The following FNBP4 variants were observed in gnomAD, a reference collection of about 807,000 sequenced individuals.
The protein encoded by FNBP4 is formin-binding protein 4.
A neutral mutation model predicts 119.3 loss-of-function variants in FNBP4; 34 were observed. That is an observed-to-expected ratio of 0.28 (90% CI 0.22 to 0.38). The LOEUF is 0.38. FNBP4 is among the 10% of genes least tolerant of loss of function. The pLI is 1.00. For synonymous variants in FNBP4, 462 were observed against 430.6 expected, an observed-to-expected ratio of 1.07 and a Z score of -0.90; for missense variants, 1,112 against 1,228.9, an observed-to-expected ratio of 0.90 and a Z score of 1.42.
At chr11:47,722,474 C>T (rs1270221421) in intron 15 of FNBP4, among the ~76,000 whole-genome samples, 1 of 152,098 alleles carries the variant, frequency 6.6e-6, no homozygotes, top group Non-Finnish European at 1.5e-5. Flanking sequence ...TGACTGAGTG[C>T]TGTACTCATG....
At position 47,721,915 on chromosome 11, in the gene FNBP4, TA is replaced by T. The variant is rs66522425; in HGVS notation, c.2805+1060del. ...AGATGCAGCATTCCTATCAAATGAT[TA>T]AAAAAAAAAAAAAAGCTAAAAAATA... On this transcript the variant is annotated intron_variant, in intron 15 of 16. Coordinates refer to ENST00000263773, the MANE Select transcript of FNBP4 (RefSeq NM_015308.5). 1.7e-3 allele frequency among the ~76,000 whole-genome samples: 174 copies of T among 104,480 alleles called. 1 individual carries two copies. Among genetic ancestry groups the T allele is most frequent in the Non-Finnish European group, 2.3e-3 (117 of 51,024 alleles). The allele number at this position is 104,480 out of a possible 152,430, so 68.5% of individuals were successfully genotyped here. A position where few individuals can be genotyped will look rare whatever the true frequency, so the allele number is the denominator to read the frequency against.
chr11:47,722,975 C>T lies in FNBP4; in HGVS notation c.2805+1G>A. 6.6e-7 allele frequency: 1 copy of T among 1,521,042 alleles called. No homozygotes were observed. The highest frequency in any genetic ancestry group is 8.8e-7 in the Non-Finnish European group (1 of 1,137,458). 94.2% of individuals were successfully genotyped at this position (1,521,042 alleles called of 1,614,324 possible). A position where few individuals can be genotyped will look rare whatever the true frequency, so the allele number is the denominator to read the frequency against. On this transcript the variant is annotated splice_donor_variant, in intron 15 of 16. Coordinates refer to ENST00000263773, the MANE Select transcript of FNBP4 (RefSeq NM_015308.5). LOFTEE classifies it high-confidence loss of function. ...TTTTTAAAAAGGGAAATTTATTATACCTTGTCTTTCCTTCCTTTTTTTGTC... is the reference window on the plus strand; with the variant it reads ...TTTTTAAAAAGGGAAATTTATTATATCTTGTCTTTCCTTCCTTTTTTTGTC...
Position 47,767,309 on chromosome 11 carries a change from G to C in FNBP4, c.-21C>G, listed in dbSNP as rs757197269. The C allele has an allele frequency of 1.4e-5, 20 of 1,470,702 alleles. No individual in the cohort carries two copies. Among genetic ancestry groups the C allele is most frequent in the Non-Finnish European group, 1.7e-5 (19 of 1,117,466 alleles). 91.1% of individuals were successfully genotyped at this position (1,470,702 alleles called of 1,614,324 possible). The stretch of plus-strand genomic sequence containing the variant: ...CCCATCGCGAGCCCAAGCGCGAGCA[G>C]AGAGCGTCGGGCGGCCGAGAGGGGC... On this transcript the variant is annotated 5_prime_UTR_variant, in exon 1 of 17. Coordinates refer to ENST00000263773, the MANE Select transcript of FNBP4 (RefSeq NM_015308.5).
In FNBP4 at chr11:47,720,093, C is replaced by G; in HGVS notation, c.2806-7G>C. Reference sequence around the variant, plus strand: ...TGGTCTTACTCTTCTTTGCCTGTAACAAAGGTTAAAGGTCAAAAGGAATAG... The same window carrying G: ...TGGTCTTACTCTTCTTTGCCTGTAAGAAAGGTTAAAGGTCAAAAGGAATAG... On this transcript the variant is annotated splice_region_variant and splice_polypyrimidine_tract_variant and intron_variant, in intron 15 of 16. Coordinates refer to ENST00000263773, the MANE Select transcript of FNBP4 (RefSeq NM_015308.5). The G allele has an allele frequency of 6.2e-7, 1 of 1,610,540 alleles. No homozygotes were observed. The highest frequency in any genetic ancestry group is 8.5e-7 in the Non-Finnish European group (1 of 1,178,060).
intron 1 of FNBP4, among the ~76,000 whole-genome samples, chr11:47,766,713 C>T (rs1256284374): frequency 1.3e-5 from 2 of 152,290 alleles, no homozygotes; most frequent in Non-Finnish European, 2.9e-5. Context: ...GCCTGGCCCA[C>T]AGTCACAGGC....
chr11:47,732,254 C>T lies in FNBP4; in HGVS notation c.1820+283G>A. ...GCACAGAGCTCTCGCATGCGCTTAACCCCCAAGCCCGCCCTACTCCGTGCA... is the reference window on the plus strand; with the variant it reads ...GCACAGAGCTCTCGCATGCGCTTAATCCCCAAGCCCGCCCTACTCCGTGCA... On this transcript the variant is annotated intron_variant, in intron 11 of 16. Coordinates refer to ENST00000263773, the MANE Select transcript of FNBP4 (RefSeq NM_015308.5). This position sits in a 1 kb window ranked among gnomAD's most constrained non-coding sequence, Gnocchi z 4.2. 2 of 1,226,356 alleles carry T rather than the reference C, an allele frequency of 1.6e-6. No individual in the cohort carries two copies. The highest frequency in any genetic ancestry group is 2.3e-5 in the South Asian group (1 of 43,250). The allele number at this position is 1,226,356 out of a possible 1,614,324, so 76.0% of individuals were successfully genotyped here.
rs1180974125 is a variant in FNBP4, at chr11:47,767,333, G to C, written c.-45C>G. On this transcript the variant is annotated 5_prime_UTR_variant, in exon 1 of 17. Transcript: ENST00000263773. ...AGAGAGCGTCGGGCGGCCGAGAGGG[G>C]CGGGCACTGGAGGCTGGGCGCTGGG... 2.1e-6 allele frequency: 3 copies of C among 1,430,876 alleles called. No homozygotes were observed. Among genetic ancestry groups the C allele is most frequent in the Non-Finnish European group, 2.7e-6 (3 of 1,097,488 alleles). 88.6% of individuals were successfully genotyped at this position (1,430,876 alleles called of 1,614,324 possible).
At chr11:47,763,681 T>G (rs1327492279) in intron 2 of FNBP4, among the ~76,000 whole-genome samples, 1 of 151,970 alleles carries the variant, frequency 6.6e-6, no homozygotes, top group Non-Finnish European at 1.5e-5. Flanking sequence ...TCTGTATTTT[T>G]AATAGAGATG....
chr11:47,724,916 G>T, intron 12 of FNBP4, 138 bp from the exon 13 acceptor site: 1 of 1,277,948 alleles, frequency 7.8e-7, no homozygotes, highest in Non-Finnish European at 1.0e-6. Flanking sequence ...AGAATGTGGT[G>T]TCAAACAGCA....
intron 12 of FNBP4, among the ~76,000 whole-genome samples, chr11:47,730,510 G>A (rs1044604295): frequency 6.6e-6 from 1 of 152,170 alleles, no homozygotes; most frequent in Non-Finnish European, 1.5e-5. Context: ...AGCCAGTAGA[G>A]TACAAGCATC....
Position 47,746,306 on chromosome 11 carries a change from T to C in FNBP4, c.995A>G (p.Glu332Gly), listed in dbSNP as rs779421541. The C allele has an allele frequency of 6.8e-6, 11 of 1,614,016 alleles. No individual in the cohort carries two copies. Among genetic ancestry groups the C allele is most frequent in the Non-Finnish European group, 7.6e-6 (9 of 1,180,036 alleles). Reference sequence around the variant, plus strand: ...TCTCTCTTCTTCTTCTTTTATTCCCTCAGGCAATAAAGGAGCAAGCAGCGA... The same window carrying C: ...TCTCTCTTCTTCTTCTTTTATTCCCCCAGGCAATAAAGGAGCAAGCAGCGA... ...AASLLAPLLPEGIKEEEERWR... is the reference protein window; with the variant it reads ...AASLLAPLLPGGIKEEEERWR... Residue 332 changes from glutamate to glycine, a missense_variant, in exon 7 of 17, where the codon GAG becomes GGG. Coordinates refer to ENST00000263773, the MANE Select transcript of FNBP4 (RefSeq NM_015308.5).
At chr11:47,763,936 T>C (rs1013046198) in intron 2 of FNBP4, among the ~76,000 whole-genome samples, 3 of 152,168 alleles carry the variant, frequency 2.0e-5, no homozygotes, top group African/African-American at 7.2e-5. Context: ...AATTATTTCT[T>C]AGGTATATAC....
rs1565129173 is a variant in FNBP4 at position 47,731,442 on chromosome 11, G to T, written c.1940C>A (p.Ala647Asp). ...QAQENRDETL[A>D]KQTLKDKTGT... Reference sequence around the variant, plus strand: ...AGTTTTGTCTTTCAAGGTCTGTTTGGCAAGAGTCTCATCTCTATTTTCTTG... The same window carrying T: ...AGTTTTGTCTTTCAAGGTCTGTTTGTCAAGAGTCTCATCTCTATTTTCTTG... The change falls in exon 12 of 17, where the codon GCC (alanine) becomes GAC (aspartate). Residue 647 changes from alanine to aspartate, a missense_variant. Physicochemically the swap from Ala to Asp is moderately radical, Grantham distance 126. Transcript: ENST00000263773. 6.2e-7 allele frequency: 1 copy of T among 1,613,752 alleles called. No homozygotes were observed. Among genetic ancestry groups the T allele is most frequent in the Non-Finnish European group, 8.5e-7 (1 of 1,179,882 alleles).
intron 14 of FNBP4, 56 bp from the exon 15 acceptor site, chr11:47,723,372 T>C (rs2097557876): frequency 3.9e-6 from 6 of 1,528,758 alleles, no homozygotes; most frequent in Non-Finnish European, 5.3e-6. Flanking sequence ...CAAGAACAGA[T>C]GCAATGAAAA....
In FNBP4 at chr11:47,767,208, C is replaced by T; in HGVS notation, c.81G>A (p.Pro27=). 6.4e-7 allele frequency: 1 copy of T among 1,565,718 alleles called. No individual in the cohort carries two copies. The highest frequency in any genetic ancestry group is 8.6e-7 in the Non-Finnish European group (1 of 1,162,272). ...CGGGTTCCGGCTCCGGGTCCCGGCC[C>T]GGCGTGCTGCCCCGAGGACCCGGCG... ...LSPPGPRGST[P]GRDPEPEPDT... is the part of the protein sequence containing the mutation. Residue 27 remains proline (P), a synonymous_variant, in exon 1 of 17, where the codon CCG becomes CCA. Coordinates refer to ENST00000263773, the MANE Select transcript of FNBP4 (RefSeq NM_015308.5).
At chr11:47,743,437 C>G (rs894568587) in intron 8 of FNBP4, among the ~76,000 whole-genome samples, 17 of 151,928 alleles carry the variant, frequency 1.1e-4, no homozygotes, top group African/African-American at 3.9e-4. Flanking sequence ...GAGCCAAGAT[C>G]ATGCCTTTGT....
intron 9 of FNBP4, 84 bp from the exon 10 acceptor site, chr11:47,734,213 A>C: frequency 4.4e-6 from 3 of 674,690 alleles, no homozygotes; most frequent in Non-Finnish European, 7.1e-6. Context: ...ATTCTTATAG[A>C]TATTAGAAAT....
chr11:47,737,644 T>C (rs1468442411), intron 8 of FNBP4, among the ~76,000 whole-genome samples: 1 of 152,024 alleles, frequency 6.6e-6, no homozygotes, highest in African/African-American at 2.4e-5. Flanking sequence ...TTCACCATGT[T>C]GCCCAGGCTG....
At position 47,767,334 on chromosome 11, in the gene FNBP4, C is replaced by CGGGCACTGGAGGCT; in HGVS notation, c.-47_-46insAGCCTCCAGTGCCC. ...GAGAGCGTCGGGCGGCCGAGAGGGG[C>CGGGCACTGGAGGCT]GGGCACTGGAGGCTGGGCGCTGGGC... On this transcript the variant is annotated 5_prime_UTR_variant, in exon 1 of 17. Coordinates refer to ENST00000263773, the MANE Select transcript of FNBP4 (RefSeq NM_015308.5). 1.4e-6 allele frequency: 2 copies of CGGGCACTGGAGGCT among 1,429,790 alleles called. No individual in the cohort carries two copies. Among genetic ancestry groups the CGGGCACTGGAGGCT allele is most frequent in the South Asian group, 2.9e-5 (2 of 69,372 alleles). The allele number at this position is 1,429,790 out of a possible 1,614,324, so 88.6% of individuals were successfully genotyped here. A position where few individuals can be genotyped will look rare whatever the true frequency, so the allele number is the denominator to read the frequency against.
Sources: gnomAD v4.1 joint callset for allele counts (sites outside exome capture counted in the v4.1 genomes callset) on GRCh38, gnomAD v4.1.1 for gene constraint, Gnocchi (gnomAD v3.1) non-coding constraint, MANE v1.5 for transcripts, NCBI Gene and HGNC (gene_info 2026-07-23, HGNC 2026-07-21) for gene names.